Variants in PMM1 observed in about 807,000 individuals in gnomAD.
PMM1 encodes the protein brain glucose-1,6-bisphosphatase.
In PMM1, 25 loss-of-function variants were observed where a neutral mutation model predicts 34.0. The ratio of observed to expected loss-of-function variants is 0.73; its 90% confidence interval spans 0.54 to 1.03. The LOEUF is 1.03. PMM1 is among the 50% of genes least tolerant of loss of function. The pLI, the probability that PMM1 is intolerant of heterozygous loss-of-function variation, is 0.00. For missense variants in PMM1, 321 were observed against 350.1 expected, an observed-to-expected ratio of 0.92 and a Z score of 0.66; for synonymous variants, 134 against 143.9, an observed-to-expected ratio of 0.93 and a Z score of 0.49.
At position 41,582,186 on chromosome 22, in the gene PMM1, G is replaced by A. The variant is rs184762710; in HGVS notation, c.474+1773C>T. 5.1e-4 allele frequency among the ~76,000 whole-genome samples: 77 copies of A among 152,004 alleles called. 1 individual carries two copies. The highest frequency in any genetic ancestry group is 6.8e-3 in the Middle Eastern group (2 of 292). On this transcript the variant is annotated intron_variant, in intron 5 of 7. Coordinates refer to ENST00000216259, the MANE Select transcript of PMM1 (RefSeq NM_002676.3). ...AAAAGGGTATTTCTTTGCGAGGTGCGGTGGCTCACACCTACAGTCTTGGTG... is the reference window on the plus strand; with the variant it reads ...AAAAGGGTATTTCTTTGCGAGGTGCAGTGGCTCACACCTACAGTCTTGGTG...
Position 41,577,931 on chromosome 22 carries a change from C to T in PMM1, c.551-8G>A. The T allele has an allele frequency of 6.2e-7, 1 of 1,603,166 alleles. No individual in the cohort carries two copies. Among genetic ancestry groups the T allele is most frequent in the Non-Finnish European group, 8.5e-7 (1 of 1,170,822 alleles). On this transcript the variant is annotated splice_polypyrimidine_tract_variant and splice_region_variant and intron_variant, in intron 6 of 7. Coordinates refer to ENST00000216259, the MANE Select transcript of PMM1 (RefSeq NM_002676.3). The stretch of plus-strand genomic sequence containing the variant: ...CAAAGCTGATCATGCCTCCTGTGGG[C>T]AGGGGTGGGGACTGTTATTCCCTGC...
At chr22:41,588,772 G>A in intron 1 of PMM1, 1 of 983,356 alleles carries the variant, frequency 1.0e-6, no homozygotes, top group Middle Eastern at 5.2e-4. Context: ...CGGGACCTAA[G>A]AGAGGAGGCT....
intron 1 of PMM1, 184 bp from the exon 2 acceptor site, chr22:41,586,377 C>A (rs2067307852): frequency 9.4e-7 from 1 of 1,061,882 alleles, no homozygotes; most frequent in African/African-American, 1.7e-5. Context: ...AATCCCAACA[C>A]TTTGCGAGGC....
At chr22:41,588,975 AC>A (rs2067345657) in intron 1 of PMM1, 15 of 1,120,822 alleles carry the variant, frequency 1.3e-5, no homozygotes, top group Middle Eastern at 2.3e-4. Flanking sequence ...TCACAATGAG[AC>A]CCAATGGGAG....
At chr22:41,577,713 G>T in intron 7 of PMM1, 95 bp downstream of exon 7, 1 of 936,296 alleles carries the variant, frequency 1.1e-6, no homozygotes, top group Non-Finnish European at 1.7e-6. Flanking sequence ...CCATGTTCTG[G>T]CCTTGACCTC....
chr22:41,577,012 C>T lies in PMM1; in HGVS notation c.*306G>A, dbSNP rs987149533. The T allele has an allele frequency of 2.9e-5, 13 of 444,652 alleles. No homozygotes were observed. Among genetic ancestry groups the T allele is most frequent in the African/African-American group, 2.6e-4 (13 of 50,096 alleles). 27.5% of individuals were successfully genotyped at this position (444,652 alleles called of 1,614,324 possible). A position where few individuals can be genotyped will look rare whatever the true frequency, so the allele number is the denominator to read the frequency against. On this transcript the variant is annotated 3_prime_UTR_variant, in exon 8 of 8. Transcript: ENST00000216259. ...GGGCAGGCTAGATCTCGTACCGATA[C>T]TTGAGCACGCCTCCTCCTGGTGCAG...
intron 1 of PMM1, 134 bp from the exon 2 acceptor site, chr22:41,586,327 C>A: frequency 1.3e-6 from 2 of 1,495,716 alleles, no homozygotes; most frequent in Non-Finnish European, 1.8e-6. Context: ...AGCTTAGACA[C>A]CAAAAATTAG....
rs747183868 is a variant in PMM1, at chr22:41,589,835, C to T, written c.-30G>A. On this transcript the variant is annotated 5_prime_UTR_variant, in exon 1 of 8. Coordinates refer to ENST00000216259, the MANE Select transcript of PMM1 (RefSeq NM_002676.3). ...GCAGGTCCGCGCGCGGGGCGGAGTC[C>T]CGAAGATGCAACGGCAGAAGCAGCT... 11 of 1,564,198 alleles carry T rather than the reference C, an allele frequency of 7.0e-6. No individual in the cohort carries two copies. Among genetic ancestry groups the T allele is most frequent in the Middle Eastern group, 4.0e-4 (2 of 4,992 alleles).
Position 41,586,073 on chromosome 22 carries a change from T to C in PMM1, c.205+3A>G. On this transcript the variant is annotated splice_donor_region_variant and intron_variant, in intron 2 of 7. Coordinates refer to ENST00000216259, the MANE Select transcript of PMM1 (RefSeq NM_002676.3). ...CTCCCTCTACCCCCAGCCTCACTCC[T>C]ACCTTCATCCCCGTCACCCAGCTGC... The C allele has an allele frequency of 1.2e-6, 2 of 1,605,636 alleles. No individual in the cohort carries two copies. Among genetic ancestry groups the C allele is most frequent in the South Asian group, 1.1e-5 (1 of 89,886 alleles).
chr22:41,584,500 C>T, intron 3 of PMM1, 27 bp downstream of exon 3: 1 of 1,601,724 alleles, frequency 6.2e-7, no homozygotes, highest in Non-Finnish European at 8.6e-7. Flanking sequence ...GTGGGGTGCC[C>T]CTGGCTAAGC....
intron 6 of PMM1, 112 bp downstream of exon 6, chr22:41,578,694 G>A (rs917683328): frequency 1.1e-5 from 9 of 820,516 alleles, no homozygotes; most frequent in African/African-American, 5.0e-5. Flanking sequence ...GCCCTGAGCC[G>A]GGGAGGGGCT....
chr22:41,583,924 G>T (rs1391402918), intron 5 of PMM1, 35 bp downstream of exon 5: 1 of 1,249,372 alleles, frequency 8.0e-7, no homozygotes, highest in South Asian at 1.2e-5. Flanking sequence ...AGTGACTGAG[G>T]CCCTACAGGC....
chr22:41,587,139 C>A (rs1032803685), intron 1 of PMM1, among the ~76,000 whole-genome samples: 9 of 150,600 alleles, frequency 6.0e-5, no homozygotes, highest in Admixed American at 2.6e-4. Context: ...CGTGGTGGCA[C>A]GCGCCTGTAG....
At position 41,589,821 on chromosome 22, in the gene PMM1, C is replaced by G. The variant is rs1412192188; in HGVS notation, c.-16G>C. 6.3e-7 allele frequency: 1 copy of G among 1,577,498 alleles called. No homozygotes were observed. ...TGACTGCCATGGCTGCAGGTCCGCG[C>G]GCGGGGCGGAGTCCCGAAGATGCAA... On this transcript the variant is annotated 5_prime_UTR_variant, in exon 1 of 8. Coordinates refer to ENST00000216259, the MANE Select transcript of PMM1 (RefSeq NM_002676.3).
At chr22:41,588,657 AC>A in intron 1 of PMM1, 1 of 985,414 alleles carries the variant, frequency 1.0e-6, no homozygotes, top group Non-Finnish European at 1.2e-6. Context: ...CAAATGGCCC[AC>A]CTTTGCTCCA....
rs1196232803 is a variant in PMM1 at position 41,584,562 on chromosome 22, C to T, written c.247G>A (p.Val83Met). 15 of 1,613,970 alleles carry T rather than the reference C, an allele frequency of 9.3e-6. No individual in the cohort carries two copies. The highest frequency in any genetic ancestry group is 1.2e-5 in the Non-Finnish European group (14 of 1,179,924). ...AGCAGTCGTCCGTGCTTATACTGCA[C>T]CGTCCCGTTCTCGGCAAACACATAA... ...FDYVFAENGT[V>M]QYKHGRLLSK... The change falls in exon 3 of 8, where the codon GTG becomes ATG. Residue 83 changes from valine (V) to methionine (M), a missense_variant. Physicochemically the swap from Val to Met is conservative, Grantham distance 21 (BLOSUM62 1). Coordinates refer to ENST00000216259, the MANE Select transcript of PMM1 (RefSeq NM_002676.3).
intron 5 of PMM1, among the ~76,000 whole-genome samples, chr22:41,580,981 G>C (rs2067239447): frequency 6.6e-6 from 1 of 152,016 alleles, no homozygotes; most frequent in Admixed American, 6.6e-5. Context: ...TGGGCGTGGT[G>C]GCAGGCGCTT....
intron 1 of PMM1, among the ~76,000 whole-genome samples, chr22:41,587,219 G>A (rs1445422528): frequency 6.7e-6 from 1 of 149,200 alleles, no homozygotes; most frequent in Non-Finnish European, 1.5e-5. Context: ...GCAGTGAGCT[G>A]AGATCACGCC....
chr22:41,585,463 T>TTTTATTTATTTATTTA (rs370814183), intron 2 of PMM1: 20 of 148,076 alleles, frequency 1.4e-4, no homozygotes, highest in African/African-American at 4.8e-4. Flanking sequence ...GGTTCTGCCC[T>TTTTATTTATTTATTTA]TTTATTTATT....
Sources: allele counts gnomAD v4.1 joint callset (sites outside exome capture counted in the v4.1 genomes callset), GRCh38; gene constraint gnomAD v4.1.1; transcripts MANE v1.5; gene names NCBI Gene and HGNC (gene_info 2026-07-23, HGNC 2026-07-21).